The following ITGBL1 variants were observed in gnomAD, a reference collection of about 807,000 sequenced individuals.
The protein encoded by ITGBL1 is integrin subunit beta like 1.
ITGBL1 carries 51 observed loss-of-function variants against 68.5 expected under a neutral mutation model. The observed-to-expected ratio is 0.74, with a 90% confidence interval of 0.59 to 0.94. The LOEUF (loss-of-function observed/expected upper bound fraction) is 0.94, where lower values mean the gene tolerates loss of function less well. Ranked by LOEUF, ITGBL1 falls within the 40% of genes least tolerant of loss-of-function variation. The probability of loss-of-function intolerance (pLI) is 0.00; values close to 1 mark genes in which losing one functional copy is unlikely to be tolerated. For missense variants in ITGBL1, 649 were observed against 647.4 expected (o/e 1.00, Z -0.03); for synonymous variants, 209 against 227.3 (o/e 0.92, Z 0.72).
chr13:101,587,314 C>T (rs1041381893), intron 6 of ITGBL1, among the ~76,000 whole-genome samples: 1 of 152,156 alleles, frequency 6.6e-6, no homozygotes, highest in African/African-American at 2.4e-5. Context: ...TTAATCCTGT[C>T]TGTTGTTCAT....
intron 5 of ITGBL1, among the ~76,000 whole-genome samples, chr13:101,579,847 G>C (rs2050425542): frequency 2.0e-5 from 3 of 152,092 alleles, no homozygotes; most frequent in South Asian, 2.1e-4. Flanking sequence ...TATATGGAAG[G>C]CTTGGTTGAA....
intron 2 of ITGBL1, among the ~76,000 whole-genome samples, chr13:101,547,453 A>G: frequency 6.6e-6 from 1 of 151,964 alleles, no homozygotes. Context: ...ATATTTTAAA[A>G]TACAGCTTTT....
intron 7 of ITGBL1, among the ~76,000 whole-genome samples, chr13:101,602,057 A>G (rs546530711): frequency 6.6e-6 from 1 of 152,112 alleles, no homozygotes; most frequent in African/African-American, 2.4e-5. Flanking sequence ...ACTCTCACTC[A>G]CTGTCAGCCT....
intron 2 of ITGBL1, among the ~76,000 whole-genome samples, chr13:101,531,700 G>GTTATTTATTTAT (rs10551253): frequency 7.1e-6 from 1 of 139,998 alleles, no homozygotes; most frequent in Non-Finnish European, 1.5e-5. Context: ...TTTTTATTTT[G>GTTATTTATTTAT]TTATTTATTT....
At chr13:101,458,134 G>A (rs2048269323) in intron 2 of ITGBL1, among the ~76,000 whole-genome samples, 1 of 152,156 alleles carries the variant, frequency 6.6e-6, no homozygotes, top group Admixed American at 6.5e-5. Flanking sequence ...ATTGAGTAGG[G>A]AGACACAGAG....
At chr13:101,476,593 T>G (rs901021950) in intron 2 of ITGBL1, among the ~76,000 whole-genome samples, 1 of 152,022 alleles carries the variant, frequency 6.6e-6, no homozygotes, top group African/African-American at 2.4e-5. Context: ...CAATGAACAT[T>G]TGCCCACAAC....
chr13:101,481,342 A>G (rs746578157), intron 2 of ITGBL1, among the ~76,000 whole-genome samples: 11 of 152,026 alleles, frequency 7.2e-5, no homozygotes, highest in Non-Finnish European at 1.6e-4. Flanking sequence ...CTATTTAGCT[A>G]TTTTAATAGC....
In ITGBL1 at chr13:101,708,293, C is replaced by T. The variant is rs1332110781; in HGVS notation, c.1279+1391C>T. Among the ~76,000 whole-genome samples the T allele has an allele frequency of 2.0e-5, 3 of 152,234 alleles. 1 individual carries two copies. Among genetic ancestry groups the T allele is most frequent in the South Asian group, 4.2e-4 (2 of 4,816 alleles). ...TTCTCACCTCATGTCTGGGGAGCAG[C>T]GCTTCAAAGAAACTGAAGTTAGGGG... On this transcript the variant is annotated intron_variant, in intron 9 of 10. Transcript: ENST00000376180.
chr13:101,550,679 C>G (rs1027246537), intron 2 of ITGBL1, among the ~76,000 whole-genome samples: 1 of 152,126 alleles, frequency 6.6e-6, no homozygotes, highest in Non-Finnish European at 1.5e-5. Flanking sequence ...GAAAAATAAA[C>G]CAAGGCTCAG....
intron 2 of ITGBL1, among the ~76,000 whole-genome samples, chr13:101,499,881 C>T (rs2048913735): frequency 6.6e-6 from 1 of 152,234 alleles, no homozygotes; most frequent in Admixed American, 6.5e-5. Context: ...AGATGGAGGA[C>T]ATTCCTGCCT....
chr13:101,660,330 G>C (rs1391664471), intron 7 of ITGBL1, among the ~76,000 whole-genome samples: 1 of 152,074 alleles, frequency 6.6e-6, no homozygotes, highest in African/African-American at 2.4e-5. Flanking sequence ...AGTTGAAGCT[G>C]TTCTCTTGCT....
intron 9 of ITGBL1, 179 bp from the exon 10 acceptor site, chr13:101,714,259 G>T: frequency 1.7e-6 from 1 of 596,562 alleles, no homozygotes; most frequent in Non-Finnish European, 3.0e-6. Context: ...GCTTTCCTGG[G>T]TGACCTTTAT....
chr13:101,514,555 T>C (rs989637384), intron 2 of ITGBL1, among the ~76,000 whole-genome samples: 12 of 152,220 alleles, frequency 7.9e-5, no homozygotes, highest in African/African-American at 2.9e-4. Context: ...ATTAACAAGC[T>C]ACTCTACAAA....
intron 7 of ITGBL1, among the ~76,000 whole-genome samples, chr13:101,664,869 G>T (rs998531402): frequency 6.6e-6 from 1 of 152,170 alleles, no homozygotes; most frequent in Non-Finnish European, 1.5e-5. Flanking sequence ...CAGTAGCTGG[G>T]ATTACAGGCA....
At chr13:101,626,546 G>T (rs1018471014) in intron 7 of ITGBL1, among the ~76,000 whole-genome samples, 7 of 152,030 alleles carry the variant, frequency 4.6e-5, no homozygotes, top group African/African-American at 1.7e-4. Context: ...AGGAAACCTG[G>T]CAGTTTCTAC....
At chr13:101,571,022 G>A (rs1253151552) in intron 3 of ITGBL1, among the ~76,000 whole-genome samples, 1 of 152,026 alleles carries the variant, frequency 6.6e-6, no homozygotes, top group African/African-American at 2.4e-5. Flanking sequence ...CTTGCACACA[G>A]ATATGCATGT....
chr13:101,581,320 T>G (rs944100046), intron 5 of ITGBL1, among the ~76,000 whole-genome samples: 12 of 152,160 alleles, frequency 7.9e-5, no homozygotes, highest in African/African-American at 2.9e-4. Context: ...TATCCTATTA[T>G]GAGAGCAATG....
intron 2 of ITGBL1, among the ~76,000 whole-genome samples, chr13:101,513,975 C>G (rs1452719628): frequency 6.6e-6 from 1 of 151,946 alleles, no homozygotes; most frequent in African/African-American, 2.4e-5. Flanking sequence ...TTTGTTTATT[C>G]AATGTGAATT....
At chr13:101,554,072 C>T (rs982545582) in intron 2 of ITGBL1, among the ~76,000 whole-genome samples, 34 of 152,230 alleles carry the variant, frequency 2.2e-4, no homozygotes, top group South Asian at 1.5e-3. Context: ...CCGCTGTGCC[C>T]GGCCGAGGTT....
Sources: gnomAD v4.1 joint callset for allele counts (sites outside exome capture counted in the v4.1 genomes callset) on GRCh38, gnomAD v4.1.1 for gene constraint, MANE v1.5 for transcripts, NCBI Gene and HGNC (gene_info 2026-07-23, HGNC 2026-07-21) for gene names.